The following DAB1 variants were observed in gnomAD, a reference collection of about 807,000 sequenced individuals.
DAB1 encodes DAB adaptor protein 1.
Under a neutral mutation model 64.6 loss-of-function variants are expected in DAB1, and 15 were observed. The observed-to-expected ratio is 0.23, with a 90% CI of 0.16 to 0.36. The LOEUF is 0.36. Ranked by LOEUF, DAB1 falls within the 10% of genes least tolerant of loss-of-function variation. The pLI, the probability that DAB1 is intolerant of heterozygous loss-of-function variation, is 1.00. For missense variants in DAB1, 596 were observed against 706.7 expected (o/e 0.84, Z 1.78); for synonymous variants, 235 against 251.9 (o/e 0.93, Z 0.64).
At chr1:57,530,313 T>A (rs1018456577) in intron 7 of DAB1, among the ~76,000 whole-genome samples, 1 of 152,216 alleles carries the variant, frequency 6.6e-6, no homozygotes, top group Admixed American at 6.5e-5. Context: ...TTTTCTCTAC[T>A]CTTACTATGT....
rs576126344 is a variant in DAB1 at position 57,211,480 on chromosome 1, C to T, written c.68-66051G>A. Among the ~76,000 whole-genome samples, 31 of 152,270 alleles carry T rather than the reference C, an allele frequency of 2.0e-4. 1 individual carries two copies. The South Asian group carries it at 6.4e-3, about 32-fold the overall frequency. ...GTATGGGGCTGGGAAGTGAGAGGTG[C>T]TGCATTCAAATCCTTGCTTTGAATC... On this transcript the variant is annotated intron_variant, in intron 2 of 14. Transcript: ENST00000371236.
chr1:57,566,702 T>C (rs1036304897), intron 7 of DAB1, among the ~76,000 whole-genome samples: 7 of 152,030 alleles, frequency 4.6e-5, no homozygotes, highest in African/African-American at 2.4e-5. Flanking sequence ...CCTGGACACA[T>C]ACACCCTCCC....
intron 11 of DAB1, 66 bp from the exon 12 acceptor site, chr1:57,015,497 T>A: frequency 1.4e-6 from 2 of 1,417,776 alleles, no homozygotes; most frequent in Non-Finnish European, 1.9e-6. Flanking sequence ...ATGCATGGAC[T>A]CAGGTAATTG....
At chr1:57,591,681 A>C (rs1330120685) in intron 7 of DAB1, among the ~76,000 whole-genome samples, 1 of 152,282 alleles carries the variant, frequency 6.6e-6, no homozygotes, top group African/African-American at 2.4e-5. Flanking sequence ...ACTATTAGGC[A>C]TAAATAAAAT....
intron 2 of DAB1, among the ~76,000 whole-genome samples, chr1:57,272,407 AC>A (rs1237787909): frequency 6.6e-6 from 1 of 152,126 alleles, no homozygotes; most frequent in Non-Finnish European, 1.5e-5. Context: ...CTTCTCACAA[AC>A]TTTAGAGTCC....
intron 5 of DAB1, among the ~76,000 whole-genome samples, chr1:58,092,809 C>T (rs1419442508): frequency 6.6e-6 from 1 of 152,138 alleles, no homozygotes; most frequent in East Asian, 1.9e-4. Flanking sequence ...CTGCTACCAT[C>T]TCTCATAGCC....
At chr1:58,382,949 T>A (rs967690684) in intron 3 of DAB1, among the ~76,000 whole-genome samples, 3 of 152,178 alleles carry the variant, frequency 2.0e-5, no homozygotes, top group African/African-American at 7.2e-5. Context: ...AAAATGAGGT[T>A]AGAGATAACT....
chr1:57,300,654 G>A (rs1673567936), intron 1 of DAB1, among the ~76,000 whole-genome samples: 1 of 152,186 alleles, frequency 6.6e-6, no homozygotes, highest in South Asian at 2.1e-4. Flanking sequence ...TTCAGATCCT[G>A]CCAGTGAGGC....
chr1:57,128,180 T>A (rs1054595341), intron 4 of DAB1, among the ~76,000 whole-genome samples: 59 of 150,624 alleles, frequency 3.9e-4, no homozygotes, highest in African/African-American at 1.4e-3. Flanking sequence ...AATAAATAAA[T>A]AAATAAATAA....
At chr1:57,290,917 C>T (rs757646749) in intron 2 of DAB1, 47 bp downstream of exon 2, 3 of 1,218,798 alleles carry the variant, frequency 2.5e-6, no homozygotes, top group Non-Finnish European at 3.6e-6. Flanking sequence ...AAAACTCATT[C>T]CTGTGCAGAA....
intron 3 of DAB1, among the ~76,000 whole-genome samples, chr1:57,139,291 G>C (rs929284610): frequency 3.3e-5 from 5 of 152,066 alleles, no homozygotes; most frequent in African/African-American, 1.2e-4. Flanking sequence ...CTGCCCTTCT[G>C]TTTTGAGGAT....
chr1:57,651,067 A>T (rs1646250367), intron 6 of DAB1, among the ~76,000 whole-genome samples: 1 of 152,186 alleles, frequency 6.6e-6, no homozygotes, highest in Non-Finnish European at 1.5e-5. Flanking sequence ...AATCAGTGAC[A>T]ATAAAAAGTG....
chr1:57,246,912 T>C (rs991660010), intron 2 of DAB1, among the ~76,000 whole-genome samples: 4 of 152,242 alleles, frequency 2.6e-5, no homozygotes, highest in African/African-American at 9.6e-5. Flanking sequence ...TTCTGGCCAA[T>C]TTCTTCCTTT....
At chr1:58,429,732 G>A (rs1267926159) in intron 3 of DAB1, among the ~76,000 whole-genome samples, 1 of 152,194 alleles carries the variant, frequency 6.6e-6, no homozygotes, top group Non-Finnish European at 1.5e-5. Flanking sequence ...TGAAACTATA[G>A]TCAGGGGCAA....
At chr1:58,497,817 G>A (rs904105128) in intron 3 of DAB1, among the ~76,000 whole-genome samples, 4 of 152,044 alleles carry the variant, frequency 2.6e-5, no homozygotes, top group African/African-American at 9.7e-5. Flanking sequence ...ACAACGTGGC[G>A]GCTTTCCCTG....
chr1:58,214,374 C>A (rs1324828399), intron 4 of DAB1, among the ~76,000 whole-genome samples: 1 of 152,126 alleles, frequency 6.6e-6, no homozygotes. Context: ...ATGCTTAAAC[C>A]TGAAGGAATA....
At chr1:57,752,462 G>A (rs1648602526) in intron 6 of DAB1, among the ~76,000 whole-genome samples, 2 of 152,142 alleles carry the variant, frequency 1.3e-5, no homozygotes, top group Admixed American at 1.3e-4. Flanking sequence ...GGCAAGCTTG[G>A]CTCAGCTTTT....
chr1:58,010,883 C>T (rs1646658396), intron 5 of DAB1, among the ~76,000 whole-genome samples: 1 of 152,234 alleles, frequency 6.6e-6, no homozygotes, highest in African/African-American at 2.4e-5. Context: ...GCAACCAGTA[C>T]CAACTGATTG....
chr1:58,327,408 A>G (rs1238648944), intron 4 of DAB1, among the ~76,000 whole-genome samples: 1 of 152,166 alleles, frequency 6.6e-6, no homozygotes, highest in Non-Finnish European at 1.5e-5. Flanking sequence ...ACTCCTGATT[A>G]ATGATCCCAT....
Sources: gnomAD v4.1 joint callset for allele counts (sites outside exome capture counted in the v4.1 genomes callset) on GRCh38, gnomAD v4.1.1 for gene constraint, MANE v1.5 for transcripts, NCBI Gene and HGNC (gene_info 2026-07-23, HGNC 2026-07-21) for gene names.